Variants in C17orf107 observed in about 807,000 individuals in gnomAD.
C17orf107 encodes uncharacterized protein C17orf107.
A neutral mutation model predicts 8.9 loss-of-function variants in C17orf107; 9 were observed. That is an observed-to-expected ratio of 1.02 (90% CI 0.61 to 1.77). The LOEUF is 1.77. Among genes scored for constraint, C17orf107 ranks in the 40% most tolerant of loss-of-function variants. The pLI is 0.00. For synonymous variants in C17orf107, 139 were observed against 120.3 expected, an observed-to-expected ratio of 1.16 and a Z score of -1.02; for missense variants, 281 against 249.0, an observed-to-expected ratio of 1.13 and a Z score of -0.86.
Position 4,902,782 on chromosome 17 carries a change from G to T in C17orf107, c.*2249G>T. The T allele has an allele frequency of 3.1e-6, 5 of 1,614,034 alleles. No individual in the cohort carries two copies. In the East Asian group the frequency reaches 6.7e-5, roughly 22 times the overall value. ...CCCCTGCCTGCGATGGGGTCAAGAA[G>T]GAAGGGTCATTGGCAATGAAGAGGC... On this transcript the variant is annotated 3_prime_UTR_variant, in exon 3 of 3. Coordinates refer to ENST00000381365, the MANE Select transcript of C17orf107 (RefSeq NM_001145536.2). This position sits in a 1 kb window ranked among gnomAD's most constrained non-coding sequence, Gnocchi z 4.0.
rs121909516 is a variant in C17orf107, at chr17:4,901,944, G to T, written c.*1411G>T. 6.2e-7 allele frequency: 1 copy of T among 1,612,372 alleles called. No homozygotes were observed. The highest frequency in any genetic ancestry group is 1.1e-5 in the South Asian group (1 of 91,022). On this transcript the variant is annotated 3_prime_UTR_variant, in exon 3 of 3. Coordinates refer to ENST00000381365, the MANE Select transcript of C17orf107 (RefSeq NM_001145536.2). ...TAGCTCTTCCCACCGGAAAATAAGC[G>T]AACAGTTCTGCCAATCGAAGGGGAA...
Position 4,901,104 on chromosome 17 carries a change from CG to C in C17orf107, c.*572del, listed in dbSNP as rs1250853600. The C allele has an allele frequency of 7.4e-6, 12 of 1,613,554 alleles. No individual in the cohort carries two copies. Among genetic ancestry groups the C allele is most frequent in the Non-Finnish European group, 1.0e-5 (12 of 1,179,966 alleles). On this transcript the variant is annotated 3_prime_UTR_variant, in exon 3 of 3. Coordinates refer to ENST00000381365, the MANE Select transcript of C17orf107 (RefSeq NM_001145536.2). ...CGGCGGATGATGAGCGAGTAGATGACGTCAGTCTCCCCTGGGCCGTCGGTGG... is the reference window on the plus strand; with the variant it reads ...CGGCGGATGATGAGCGAGTAGATGACTCAGTCTCCCCTGGGCCGTCGGTGG...
downstream of C17orf107, among the ~76,000 whole-genome samples, chr17:4,905,462 G>A (rs571030427): frequency 7.9e-5 from 12 of 152,212 alleles, no homozygotes; most frequent in South Asian, 2.1e-4. Context: ...CTACTTAGGA[G>A]GCTGAGGCGG....
At chr17:4,904,022 T>C (rs1291149126), downstream of C17orf107, among the ~76,000 whole-genome samples, 1 of 150,238 alleles carries the variant, frequency 6.7e-6, no homozygotes, top group Non-Finnish European at 1.5e-5. Flanking sequence ...CATGCCCGGC[T>C]AATTTTTGTA....
In C17orf107 at chr17:4,901,944, G is replaced by A. The variant is rs121909516; in HGVS notation, c.*1411G>A. ...TAGCTCTTCCCACCGGAAAATAAGC[G>A]AACAGTTCTGCCAATCGAAGGGGAA... On this transcript the variant is annotated 3_prime_UTR_variant, in exon 3 of 3. Transcript: ENST00000381365. 4.9e-4 allele frequency: 783 copies of A among 1,612,372 alleles called. No individual in the cohort carries two copies. Among genetic ancestry groups the A allele is most frequent in the Non-Finnish European group, 6.2e-4 (731 of 1,179,458 alleles).
chr17:4,901,883 G>T lies in C17orf107; in HGVS notation c.*1350G>T. ...CTTCCCGGTTGGCCCCGCCCCATAA[G>T]GCCCCCCCCCAACAATAATCGTCCG... On this transcript the variant is annotated 3_prime_UTR_variant, in exon 3 of 3. Transcript: ENST00000381365. The T allele has an allele frequency of 7.6e-5, 92 of 1,215,354 alleles. No homozygotes were observed. Among genetic ancestry groups the T allele is most frequent in the Non-Finnish European group, 1.1e-4 (88 of 830,210 alleles). 75.3% of individuals were successfully genotyped at this position (1,215,354 alleles called of 1,614,324 possible).
At position 4,902,303 on chromosome 17, in the gene C17orf107, G is replaced by A. The variant is rs368022587; in HGVS notation, c.*1770G>A. ...TACCCCCAAAGTCGTCCTTGCTGTA[G>A]TTGAGTCGGTAATCCTGCCAATCCT... On this transcript the variant is annotated 3_prime_UTR_variant, in exon 3 of 3. Transcript: ENST00000381365. This position sits in a 1 kb window ranked among gnomAD's most constrained non-coding sequence, Gnocchi z 4.0. 4 of 1,614,078 alleles carry A rather than the reference G, an allele frequency of 2.5e-6. No individual in the cohort carries two copies. The African/African-American group carries it at 4.0e-5, about 16-fold the overall frequency.
In C17orf107 at chr17:4,902,873, G is replaced by T. The variant is rs962851900; in HGVS notation, c.*2340G>T. 16 of 1,581,862 alleles carry T rather than the reference G, an allele frequency of 1.0e-5. No individual in the cohort carries two copies. The highest frequency in any genetic ancestry group is 1.3e-5 in the Non-Finnish European group (15 of 1,151,968). The stretch of plus-strand genomic sequence containing the variant: ...AGGCCTCTGAGGCTGTGTACTATCA[G>T]TATCTGTCTCCTAAACCAATTATGC... On this transcript the variant is annotated 3_prime_UTR_variant, in exon 3 of 3. Coordinates refer to ENST00000381365, the MANE Select transcript of C17orf107 (RefSeq NM_001145536.2). The surrounding 1 kb of genome is among the most constrained non-coding windows in gnomAD (Gnocchi z 4.0).
chr17:4,900,515 A>C lies in C17orf107; in HGVS notation c.555A>C (p.Ser185=). The C allele has an allele frequency of 6.4e-7, 1 of 1,550,864 alleles. No individual in the cohort carries two copies. Among genetic ancestry groups the C allele is most frequent in the Non-Finnish European group, 8.7e-7 (1 of 1,146,970 alleles). ...GLGIPGEPVS[S]GHGVS The stretch of plus-strand genomic sequence containing the variant: ...GAATCCCCGGAGAACCGGTGAGCTC[A>C]GGACACGGGGTGAGTTAGGGGCCAG... The change falls in exon 3 of 3, where the codon TCA becomes TCC. Residue 185 remains serine, a synonymous_variant. Coordinates refer to ENST00000381365, the MANE Select transcript of C17orf107 (RefSeq NM_001145536.2).
At chr17:4,903,145 A>G, downstream of C17orf107, 1 of 1,412,658 alleles carries the variant, frequency 7.1e-7, no homozygotes, top group Non-Finnish European at 1.0e-6. Context: ...GAGGGGGAGG[A>G]GGGTGTTAGT....
downstream of C17orf107, chr17:4,903,025 C>A (rs1247743244): frequency 6.2e-7 from 1 of 1,613,936 alleles, no homozygotes; most frequent in Non-Finnish European, 8.5e-7. Flanking sequence ...TACCGAGAAG[C>A]CCCAAGAGGA....
chr17:4,902,819 T>C lies in C17orf107; in HGVS notation c.*2286T>C. 6.2e-7 allele frequency: 1 copy of C among 1,613,062 alleles called. No homozygotes were observed. The highest frequency in any genetic ancestry group is 8.5e-7 in the Non-Finnish European group (1 of 1,179,448). On this transcript the variant is annotated 3_prime_UTR_variant, in exon 3 of 3. Transcript: ENST00000381365. This position sits in a 1 kb window ranked among gnomAD's most constrained non-coding sequence, Gnocchi z 4.0. ...GGCAATGAAGAGGCTGGAGCACCTC[T>C]CTCCCCTCTGCCTCCCCTGGGTCCT...
rs909047650 is a variant in C17orf107, at chr17:4,901,427, A to C, written c.*894A>C. The C allele has an allele frequency of 8.7e-6, 10 of 1,146,914 alleles. No individual in the cohort carries two copies. The highest frequency in any genetic ancestry group is 3.0e-5 in the African/African-American group (2 of 65,756). The allele number at this position is 1,146,914 out of a possible 1,614,324, so 71.0% of individuals were successfully genotyped here. A position where few individuals can be genotyped will look rare whatever the true frequency, so the allele number is the denominator to read the frequency against. ...TAAGCTAAACCCAGTTGTGGAAGTC[A>C]TCCTCCAGTGTCGTTGGTCCGGGGC... On this transcript the variant is annotated 3_prime_UTR_variant, in exon 3 of 3. Transcript: ENST00000381365.
Position 4,900,776 on chromosome 17 carries a change from G to C in C17orf107, c.*243G>C, listed in dbSNP as rs752447974. ...CCCTTCACACTGGCCACACCCCCGCGGGGGCTCCGGCTTCACCTGCCCAGG... is the reference window on the plus strand; with the variant it reads ...CCCTTCACACTGGCCACACCCCCGCCGGGGCTCCGGCTTCACCTGCCCAGG... On this transcript the variant is annotated 3_prime_UTR_variant, in exon 3 of 3. Transcript: ENST00000381365. 8.1e-6 allele frequency: 13 copies of C among 1,608,272 alleles called. No individual in the cohort carries two copies. Among genetic ancestry groups the C allele is most frequent in the Non-Finnish European group, 1.1e-5 (13 of 1,176,508 alleles).
In C17orf107 at chr17:4,900,285, G is replaced by A. The variant is rs749652335; in HGVS notation, c.325G>A (p.Ala109Thr). 80 of 1,545,256 alleles carry A rather than the reference G, an allele frequency of 5.2e-5. No individual in the cohort carries two copies. Among genetic ancestry groups the A allele is most frequent in the Non-Finnish European group, 6.8e-5 (78 of 1,146,634 alleles). ...QQEARRLDGS[A>T]GPAPDGRDPG... ...GGAGGCGCGGCGACTAGACGGCAGCGCGGGCCCAGCCCCAGACGGCAGGGA... is the reference window on the plus strand; with the variant it reads ...GGAGGCGCGGCGACTAGACGGCAGCACGGGCCCAGCCCCAGACGGCAGGGA... Residue 109 changes from alanine (A) to threonine (T), a missense_variant, in exon 3 of 3, where the codon GCG becomes ACG. Physicochemically the swap from Ala to Thr is moderately conservative, Grantham distance 58. Transcript: ENST00000381365.
At position 4,901,328 on chromosome 17, in the gene C17orf107, G is replaced by T. The variant is rs1010397980; in HGVS notation, c.*795G>T. 7.7e-6 allele frequency: 8 copies of T among 1,035,816 alleles called. No individual in the cohort carries two copies. In the Admixed American group the frequency reaches 1.0e-4, roughly 13 times the overall value. The allele number at this position is 1,035,816 out of a possible 1,614,324, so 64.2% of individuals were successfully genotyped here. ...TGGGGGCAATTACGGACAGAAAAGGGCATTCTCGTTGAGGGTATGGAAAGC... is the reference window on the plus strand; with the variant it reads ...TGGGGGCAATTACGGACAGAAAAGGTCATTCTCGTTGAGGGTATGGAAAGC... On this transcript the variant is annotated 3_prime_UTR_variant, in exon 3 of 3. Transcript: ENST00000381365.
At chr17:4,899,860 G>T in intron 1 of C17orf107, 32 bp downstream of exon 1, 3 of 1,550,374 alleles carry the variant, frequency 1.9e-6, no homozygotes, top group Non-Finnish European at 2.6e-6. Flanking sequence ...GCTGCACCTC[G>T]AGACCTTCTG....
rs181392799 is a variant in C17orf107, at chr17:4,902,803, G to A, written c.*2270G>A. The A allele has an allele frequency of 1.2e-6, 2 of 1,613,918 alleles. No individual in the cohort carries two copies. Among genetic ancestry groups the A allele is most frequent in the East Asian group, 2.2e-5 (1 of 44,872 alleles). On this transcript the variant is annotated 3_prime_UTR_variant, in exon 3 of 3. Coordinates refer to ENST00000381365, the MANE Select transcript of C17orf107 (RefSeq NM_001145536.2). This position sits in a 1 kb window ranked among gnomAD's most constrained non-coding sequence, Gnocchi z 4.0. Reference sequence around the variant, plus strand: ...AGAAGGAAGGGTCATTGGCAATGAAGAGGCTGGAGCACCTCTCTCCCCTCT... The same window carrying A: ...AGAAGGAAGGGTCATTGGCAATGAAAAGGCTGGAGCACCTCTCTCCCCTCT...
rs987905719 is a variant in C17orf107 at position 4,900,359 on chromosome 17, T to C, written c.399T>C (p.Val133=). ...SRVAQAAGQG[V]RQAGAAVGAS... is the part of the protein sequence containing the mutation. ...TAGCCCAAGCCGCAGGGCAGGGGGT[T>C]CGGCAAGCTGGGGCTGCGGTGGGCG... Residue 133 remains valine, a synonymous_variant, in exon 3 of 3, where the codon GTT becomes GTC. Coordinates refer to ENST00000381365, the MANE Select transcript of C17orf107 (RefSeq NM_001145536.2). The C allele has an allele frequency of 1.9e-6, 3 of 1,548,430 alleles. No individual in the cohort carries two copies. The highest frequency in any genetic ancestry group is 2.7e-5 in the African/African-American group (2 of 73,022).
Sources: gnomAD v4.1 joint callset for allele counts (sites outside exome capture counted in the v4.1 genomes callset) on GRCh38, gnomAD v4.1.1 for gene constraint, Gnocchi (gnomAD v3.1) non-coding constraint, MANE v1.5 for transcripts, NCBI Gene and HGNC (gene_info 2026-07-23, HGNC 2026-07-21) for gene names.